PPRC1: variants seen among roughly 807,000 people sequenced by gnomAD.
The protein encoded by PPRC1 is PPARG related coactivator 1.
Under a neutral mutation model 132.5 loss-of-function variants are expected in PPRC1, and 23 were observed. That is an observed-to-expected ratio of 0.17 (90% confidence interval 0.12 to 0.25). The LOEUF is 0.25. PPRC1 is among the 10% of genes least tolerant of loss of function. The pLI is 1.00. For synonymous variants in PPRC1, 872 were observed against 833.5 expected, an observed-to-expected ratio of 1.05 and a Z score of -0.80; for missense variants, 2,006 against 2,089.1, an observed-to-expected ratio of 0.96 and a Z score of 0.78.
At chr10:102,146,494 C>G (rs1333149156) in intron 8 of PPRC1, among the ~76,000 whole-genome samples, 178 bp from the exon 9 acceptor site, 1 of 152,026 alleles carries the variant, frequency 6.6e-6, no homozygotes, top group Non-Finnish European at 1.5e-5. Flanking sequence ...TCTTGCTGGT[C>G]CCCAAGTTGG....
chr10:102,134,351 A>G (rs1296950644), intron 1 of PPRC1, among the ~76,000 whole-genome samples: 1 of 152,158 alleles, frequency 6.6e-6, no homozygotes, highest in African/African-American at 2.4e-5. Flanking sequence ...TCAACAGTTG[A>G]ACATACACTG....
intron 6 of PPRC1, among the ~76,000 whole-genome samples, chr10:102,143,709 CAGAG>C (rs1008811214): frequency 5.9e-5 from 9 of 151,498 alleles, no homozygotes; most frequent in South Asian, 2.1e-4. Context: ...TAGGAATTCA[CAGAG>C]AGAATATGTG....
In PPRC1 at chr10:102,141,917, C is replaced by G; in HGVS notation, c.3409C>G (p.Pro1137Ala). ...TGTCCCCAAGCTGCCTGCTGTCCAC[C>G]CAGCCCGTCTAAGGAAGCTGTCCTT... ...STVPKLPAVH[P>A]ARLRKLSFLP... Residue 1137 changes from proline (P) to alanine (A), a missense_variant, in exon 5 of 14, where the codon CCA becomes GCA. Coordinates refer to ENST00000278070, the MANE Select transcript of PPRC1 (RefSeq NM_015062.5). 6.2e-7 allele frequency: 1 copy of G among 1,614,178 alleles called. No homozygotes were observed. The highest frequency in any genetic ancestry group is 8.5e-7 in the Non-Finnish European group (1 of 1,180,030).
intron 7 of PPRC1, 97 bp downstream of exon 7, chr10:102,144,404 G>A (rs2069129205): frequency 2.6e-6 from 3 of 1,140,118 alleles, no homozygotes; most frequent in Non-Finnish European, 3.8e-6. Flanking sequence ...TTGCAGGGAC[G>A]CTGTAGTCAG....
chr10:102,120,394 TGCGTGTGC>T, the PPRC1 span: 4 of 983,476 alleles, frequency 4.1e-6, no homozygotes, highest in Non-Finnish European at 4.8e-6. Context: ...TGTGCGCGTG[TGCGTGTGC>T]GTGTCTGTGC....
intron 13 of PPRC1, 28 bp downstream of exon 13, chr10:102,149,357 G>A: frequency 6.5e-7 from 1 of 1,541,792 alleles, no homozygotes. Flanking sequence ...CTAAAGCTTT[G>A]GAATGCTTCA....
the PPRC1 span, chr10:102,120,388 C>CGCGTGT: frequency 1.8e-3 from 1,801 of 984,262 alleles, 23 homozygotes; most frequent in African/African-American, 0.027. Flanking sequence ...TGCGTGTGTG[C>CGCGTGT]GCGTGTGCGT....
At chr10:102,144,852 T>G in intron 7 of PPRC1, 168 bp from the exon 8 acceptor site, 1 of 621,550 alleles carries the variant, frequency 1.6e-6, no homozygotes, top group Non-Finnish European at 2.8e-6. Context: ...AGATCCAATT[T>G]GTAGTTCAGT....
chr10:102,139,047 G>A (rs1227005158), intron 4 of PPRC1, 53 bp from the exon 5 acceptor site: 6 of 1,604,372 alleles, frequency 3.7e-6, no homozygotes, highest in Non-Finnish European at 5.1e-6. Flanking sequence ...GACAGGTCTG[G>A]AAAATACTTT....
chr10:102,138,598 C>G (rs1159193551), intron 2 of PPRC1, 21 bp from the exon 3 acceptor site: 2 of 1,612,758 alleles, frequency 1.2e-6, no homozygotes, highest in Non-Finnish European at 1.7e-6. Context: ...GTAGGACCTT[C>G]TGGTTGTTTT....
the PPRC1 span, among the ~76,000 whole-genome samples, chr10:102,125,750 G>A: frequency 3.3e-5 from 5 of 151,802 alleles, no homozygotes; most frequent in South Asian, 6.2e-4. Context: ...TCCTAGAACC[G>A]CTCCCATCCA....
Position 102,141,681 on chromosome 10 carries a change from A to G in PPRC1, c.3173A>G (p.Lys1058Arg). The G allele has an allele frequency of 6.2e-7, 1 of 1,614,108 alleles. No individual in the cohort carries two copies. Among genetic ancestry groups the G allele is most frequent in the Non-Finnish European group, 8.5e-7 (1 of 1,180,004 alleles). Reference sequence around the variant, plus strand: ...ACAGAGCCTACCAAGGTGGAGGTCAAGCCAGTGCCTGCATCTCCCCATCCG... The same window carrying G: ...ACAGAGCCTACCAAGGTGGAGGTCAGGCCAGTGCCTGCATCTCCCCATCCG... ...PQTEPTKVEV[K>R]PVPASPHPKH... is the part of the protein sequence containing the mutation. The change falls in exon 5 of 14, where the codon AAG (lysine) becomes AGG (arginine). Residue 1058 changes from lysine to arginine, a missense_variant. By Grantham distance (26) the Lys-to-Arg change is conservative. Transcript: ENST00000278070.
upstream of PPRC1, among the ~76,000 whole-genome samples, chr10:102,131,087 C>T (rs533904411): frequency 6.6e-5 from 10 of 150,620 alleles, no homozygotes; most frequent in South Asian, 2.1e-4. Flanking sequence ...CCCACCTACT[C>T]GGGAGGCTGA....
the PPRC1 span, chr10:102,120,382 TGTGTGCGC>T: frequency 5.6e-5 from 55 of 983,352 alleles, no homozygotes; most frequent in Admixed American, 3.1e-4. Flanking sequence ...CGTGTGTGCG[TGTGTGCGC>T]GTGTGCGTGT....
At position 102,141,595 on chromosome 10, in the gene PPRC1, A is replaced by G. The variant is rs2068983018; in HGVS notation, c.3087A>G (p.Val1029=). The change falls in exon 5 of 14, where the codon GTA becomes GTG. Residue 1029 remains valine (V), a synonymous_variant. Coordinates refer to ENST00000278070, the MANE Select transcript of PPRC1 (RefSeq NM_015062.5). ...RGTPAGPPEN[V]LPLSMAPPLS... is the part of the protein sequence containing the mutation. The stretch of plus-strand genomic sequence containing the variant: ...CTCCAGCTGGCCCTCCTGAAAATGT[A>G]CTTCCCTTGTCGATGGCTCCTCCCC... The G allele has an allele frequency of 1.2e-6, 2 of 1,614,094 alleles. No individual in the cohort carries two copies. The highest frequency in any genetic ancestry group is 1.7e-6 in the Non-Finnish European group (2 of 1,180,012).
In PPRC1 at chr10:102,140,301, G is replaced by A. The variant is rs1168504564; in HGVS notation, c.1793G>A (p.Gly598Asp). Residue 598 changes from glycine to aspartate, a missense_variant, in exon 5 of 14, where the codon GGC becomes GAC. Gly to Asp is a moderately conservative substitution (Grantham distance 94). Coordinates refer to ENST00000278070, the MANE Select transcript of PPRC1 (RefSeq NM_015062.5). The stretch of plus-strand genomic sequence containing the variant: ...GTTGAAGCTGATCCCACTGCAGTTG[G>A]CCCTGTTCTAGCTGGCCCTGTACCT... ...DSVEADPTAV[G>D]PVLAGPVPVD... 3 of 1,614,096 alleles carry A rather than the reference G, an allele frequency of 1.9e-6. No individual in the cohort carries two copies. The Admixed American group carries it at 5.0e-5, about 27-fold the overall frequency.
chr10:102,139,197 C>G lies in PPRC1; in HGVS notation c.689C>G (p.Ser230Ter). 6.2e-7 allele frequency: 1 copy of G among 1,614,150 alleles called. No individual in the cohort carries two copies. The change falls in exon 5 of 14, where the codon TCA becomes TGA. Residue 230 changes from serine to a stop codon, truncating the protein, a stop_gained. Coordinates refer to ENST00000278070, the MANE Select transcript of PPRC1 (RefSeq NM_015062.5). LOFTEE classifies it high-confidence loss of function. ...CTTCCTAGCTGGAGACCCCCAAGAT[C>G]AAGACCACGCTGGGGCCAATCCCCA... ...PKLPSWRPPR[S>*]RPRWGQSPPP...
At chr10:102,149,146 C>T (rs1181647338) in intron 12 of PPRC1, 32 bp from the exon 13 acceptor site, 7 of 1,557,928 alleles carry the variant, frequency 4.5e-6, no homozygotes, top group Non-Finnish European at 6.1e-6. Context: ...CATATAGCCA[C>T]TCCAGCCCCT....
rs752739781 is a variant in PPRC1 at position 102,141,642 on chromosome 10, A to G, written c.3134A>G (p.His1045Arg). The G allele has an allele frequency of 3.7e-6, 6 of 1,614,130 alleles. No homozygotes were observed. The highest frequency in any genetic ancestry group is 2.2e-5 in the East Asian group (1 of 44,876). ...CCCCTCAGTCTTGGGCTACCTGGCC[A>G]TGGAGCTCCTCAGACAGAGCCTACC... ...APPLSLGLPG[H>R]GAPQTEPTKV... is the part of the protein sequence containing the mutation. Residue 1045 changes from histidine to arginine, a missense_variant, in exon 5 of 14, where the codon CAT (histidine) becomes CGT (arginine). By Grantham distance (29) the His-to-Arg change is conservative (BLOSUM62 0). This residue lies in a region of PPRC1 where 1,914 missense variants were observed against 1,917.2 expected (regional missense o/e 1.00). Transcript: ENST00000278070.
Sources: gnomAD v4.1 joint callset for allele counts (sites outside exome capture counted in the v4.1 genomes callset) on GRCh38, gnomAD v4.1.1 for gene constraint, gnomAD v4.1.1 regional missense constraint, MANE v1.5 for transcripts, NCBI Gene and HGNC (gene_info 2026-07-23, HGNC 2026-07-21) for gene names.